Variants in PTPRQ observed in about 807,000 individuals in gnomAD.
PTPRQ encodes phosphatidylinositol phosphatase PTPRQ.
PTPRQ carries 199 observed loss-of-function variants against 246.0 expected under a neutral mutation model. The ratio of observed to expected loss-of-function variants is 0.81; its 90% CI spans 0.72 to 0.91. PTPRQ has a LOEUF of 0.91. Among genes scored for constraint, PTPRQ ranks in the 40% least tolerant of loss-of-function variants. The pLI, the probability that PTPRQ is intolerant of heterozygous loss-of-function variation, is 0.00. For missense variants in PTPRQ, 2,624 were observed against 2,528.4 expected (o/e 1.04, Z -0.81); for synonymous variants, 869 against 853.2 (o/e 1.02, Z -0.32).
At chr12:80,455,400 G>A (rs571120843) in intron 3 of PTPRQ, among the ~76,000 whole-genome samples, 85 of 151,998 alleles carry the variant, frequency 5.6e-4, no homozygotes, top group Non-Finnish European at 1.2e-3. Flanking sequence ...AAAACTTATA[G>A]TTAGCTTTTC....
At chr12:80,474,932 G>A (rs1893764700) in intron 8 of PTPRQ, among the ~76,000 whole-genome samples, 1 of 152,130 alleles carries the variant, frequency 6.6e-6, no homozygotes, top group African/African-American at 2.4e-5. Flanking sequence ...TCTGCAAATA[G>A]TAGTAAAATC....
chr12:80,675,208 C>G (rs1391023563), intron 43 of PTPRQ, among the ~76,000 whole-genome samples: 1 of 152,004 alleles, frequency 6.6e-6, no homozygotes, highest in Admixed American at 6.6e-5. Flanking sequence ...TTAAAAGGGC[C>G]CTGAAATTGG....
At chr12:80,468,049 C>G (rs937425331) in intron 6 of PTPRQ, among the ~76,000 whole-genome samples, 4 of 148,178 alleles carry the variant, frequency 2.7e-5, no homozygotes, top group Non-Finnish European at 4.4e-5. Context: ...AAGGGTCATA[C>G]AAGGTGAAAT....
rs1033039925 is a variant in PTPRQ, at chr12:80,678,881, G to A, written c.6863-105G>A. 4.9e-6 allele frequency: 7 copies of A among 1,439,418 alleles called. No homozygotes were observed. In the Admixed American group the frequency reaches 1.4e-4, roughly 30 times the overall value. The allele number at this position is 1,439,418 out of a possible 1,614,324, so 89.2% of individuals were successfully genotyped here. ...TTAACTTTTCTCTAATCCAAGTTGG[G>A]CTAATAATACCCTTTCTGTCTACAT... On this transcript the variant is annotated intron_variant, in intron 44 of 44. Coordinates refer to ENST00000644991, the MANE Select transcript of PTPRQ (RefSeq NM_001145026.2).
At chr12:80,652,908 C>T in intron 38 of PTPRQ, 74 bp downstream of exon 38, 2 of 1,361,362 alleles carry the variant, frequency 1.5e-6, no homozygotes, top group African/African-American at 1.5e-5. Context: ...TTTTTGTTTC[C>T]TTAATATATT....
intron 25 of PTPRQ, among the ~76,000 whole-genome samples, chr12:80,576,352 G>A (rs1475362374): frequency 1.3e-5 from 2 of 152,064 alleles, no homozygotes; most frequent in Non-Finnish European, 2.9e-5. Flanking sequence ...ATGTTGGCTA[G>A]GCTAGTCTCA....
At position 80,666,646 on chromosome 12, in the gene PTPRQ, G is replaced by A. The variant is rs180755138; in HGVS notation, c.6193-2361G>A. On this transcript the variant is annotated intron_variant, in intron 39 of 44. Coordinates refer to ENST00000644991, the MANE Select transcript of PTPRQ (RefSeq NM_001145026.2). ...CTTGAGTATTACACATTGCATACATGTATGAAAATTTTCACACTGTATTCC... is the reference window on the plus strand; with the variant it reads ...CTTGAGTATTACACATTGCATACATATATGAAAATTTTCACACTGTATTCC... Among the ~76,000 whole-genome samples the A allele has an allele frequency of 3.9e-5, 6 of 152,006 alleles. No homozygotes were observed. In the South Asian group the frequency reaches 6.2e-4, roughly 16 times the overall value.
chr12:80,477,026 T>A (rs1486205908), intron 8 of PTPRQ, among the ~76,000 whole-genome samples: 4 of 152,132 alleles, frequency 2.6e-5, no homozygotes, highest in Admixed American at 2.0e-4. Flanking sequence ...GGGATATTTG[T>A]TTTTTGCCCG....
At chr12:80,482,432 AC>A (rs1299876542) in intron 8 of PTPRQ, among the ~76,000 whole-genome samples, 4 of 152,012 alleles carry the variant, frequency 2.6e-5, no homozygotes. Context: ...CTAGAAGAAA[AC>A]CTAGGCAATA....
intron 17 of PTPRQ, among the ~76,000 whole-genome samples, chr12:80,517,748 A>G (rs1013551611): frequency 6.6e-6 from 1 of 152,140 alleles, no homozygotes; most frequent in African/African-American, 2.4e-5. Context: ...ATAAATGAGA[A>G]CATGTGAAGT....
chr12:80,667,855 G>C (rs781094652), intron 39 of PTPRQ, among the ~76,000 whole-genome samples: 1 of 151,676 alleles, frequency 6.6e-6, no homozygotes, highest in Admixed American at 6.6e-5. Flanking sequence ...TAGGTCTTTC[G>C]GTTGAGACTG....
intron 9 of PTPRQ, among the ~76,000 whole-genome samples, chr12:80,484,957 T>G (rs563676789): frequency 6.6e-6 from 1 of 152,290 alleles, no homozygotes; most frequent in South Asian, 2.1e-4. Context: ...GCTTGCAATT[T>G]GGAACAGTTG....
At chr12:80,572,065 C>T (rs1565793534) in intron 25 of PTPRQ, among the ~76,000 whole-genome samples, 1 of 151,832 alleles carries the variant, frequency 6.6e-6, no homozygotes, top group Non-Finnish European at 1.5e-5. Context: ...CAAAAATGCC[C>T]ATGGCATTTT....
At chr12:80,601,843 C>A (rs1175873374) in intron 26 of PTPRQ, among the ~76,000 whole-genome samples, 4 of 151,704 alleles carry the variant, frequency 2.6e-5, no homozygotes, top group South Asian at 4.1e-4. Flanking sequence ...TGTATAATTA[C>A]CTAAATGAAT....
At chr12:80,653,122 T>C (rs1670432097) in intron 38 of PTPRQ, among the ~76,000 whole-genome samples, 1 of 152,158 alleles carries the variant, frequency 6.6e-6, no homozygotes, top group African/African-American at 2.4e-5. Context: ...TGAACCTGTT[T>C]AACATCTTCC....
intron 39 of PTPRQ, among the ~76,000 whole-genome samples, chr12:80,658,934 A>C (rs913821579): frequency 6.6e-6 from 1 of 152,018 alleles, no homozygotes; most frequent in Non-Finnish European, 1.5e-5. Context: ...CTCCAACGTC[A>C]AACATACTTG....
chr12:80,569,402 G>T (rs1474355791), intron 25 of PTPRQ, among the ~76,000 whole-genome samples: 1 of 107,216 alleles, frequency 9.3e-6, no homozygotes, highest in African/African-American at 3.6e-5. Flanking sequence ...GGTGGGGGGA[G>T]GGGGGAGGGA....
chr12:80,582,466 T>C (rs1897474030), intron 25 of PTPRQ, among the ~76,000 whole-genome samples: 1 of 152,092 alleles, frequency 6.6e-6, no homozygotes, highest in Admixed American at 6.5e-5. Flanking sequence ...CAGAGGTAAT[T>C]AGGTCATTAG....
At chr12:80,601,892 G>A (rs1898156441) in intron 26 of PTPRQ, among the ~76,000 whole-genome samples, 1 of 151,760 alleles carries the variant, frequency 6.6e-6, no homozygotes, top group Non-Finnish European at 1.5e-5. Context: ...GGACCATAAA[G>A]CTAGCAGTAA....
Sources: allele counts gnomAD v4.1 joint callset (sites outside exome capture counted in the v4.1 genomes callset), GRCh38; gene constraint gnomAD v4.1.1; transcripts MANE v1.5; gene names NCBI Gene and HGNC (gene_info 2026-07-23, HGNC 2026-07-21).